SPAG16: variants seen among roughly 807,000 people sequenced by gnomAD.
SPAG16 encodes the protein sperm associated antigen 16, also known as sperm-associated antigen 16 protein.
Under a neutral mutation model 80.4 loss-of-function variants are expected in SPAG16, and 86 were observed. The observed-to-expected ratio is 1.07, with a 90% CI of 0.90 to 1.28. SPAG16 has a LOEUF of 1.28. Among genes scored for constraint, SPAG16 ranks in the 50% most tolerant of loss-of-function variants. SPAG16 has a pLI of 0.00. For synonymous variants in SPAG16, 294 were observed against 265.9 expected, an observed-to-expected ratio of 1.11 and a Z score of -1.03; for missense variants, 870 against 765.3, an observed-to-expected ratio of 1.14 and a Z score of -1.61.
chr2:213,342,344 ATATATG>A (rs1488968593), intron 6 of SPAG16, among the ~76,000 whole-genome samples: 1 of 1,336 alleles, frequency 7.5e-4, no homozygotes, highest in Non-Finnish European at 1.7e-3. Flanking sequence ...TATATATTAC[ATATATG>A]TATATATATA....
At chr2:214,142,389 A>G (rs963275209) in intron 14 of SPAG16, among the ~76,000 whole-genome samples, 2 of 152,128 alleles carry the variant, frequency 1.3e-5, no homozygotes, top group Non-Finnish European at 2.9e-5. Context: ...GATCACTTTT[A>G]TCTTCCAATT....
chr2:214,315,814 G>T (rs979827907), intron 15 of SPAG16, among the ~76,000 whole-genome samples: 12 of 152,162 alleles, frequency 7.9e-5, no homozygotes, highest in Non-Finnish European at 1.5e-4. Flanking sequence ...TTACAAGCAT[G>T]AGCCACTGCA....
intron 13 of SPAG16, among the ~76,000 whole-genome samples, chr2:214,093,989 C>G (rs2052406818): frequency 6.6e-6 from 1 of 151,996 alleles, no homozygotes; most frequent in Non-Finnish European, 1.5e-5. Flanking sequence ...AAGGTGTGGT[C>G]TGTGCACAAG....
chr2:213,609,992 AG>A (rs1415278404), intron 10 of SPAG16, among the ~76,000 whole-genome samples: 2 of 152,090 alleles, frequency 1.3e-5, no homozygotes, highest in Non-Finnish European at 2.9e-5. Context: ...TGGTTGGCTA[AG>A]GCTCCTGGCT....
intron 10 of SPAG16, among the ~76,000 whole-genome samples, chr2:213,609,591 T>A (rs540765922): frequency 1.3e-5 from 2 of 152,194 alleles, no homozygotes; most frequent in Non-Finnish European, 2.9e-5. Context: ...ACATCTTTCC[T>A]AGTGCTGTTT....
intron 14 of SPAG16, among the ~76,000 whole-genome samples, chr2:214,123,190 GT>G (rs1378258386): frequency 7.9e-5 from 12 of 151,658 alleles, no homozygotes; most frequent in Non-Finnish European, 1.2e-4. Flanking sequence ...TTTCTACTTT[GT>G]TTTGGTGTTA....
intron 13 of SPAG16, among the ~76,000 whole-genome samples, chr2:214,035,106 C>T (rs953502445): frequency 6.6e-6 from 1 of 152,150 alleles, no homozygotes; most frequent in Admixed American, 6.5e-5. Flanking sequence ...ATTCAGCTCT[C>T]TGCAGAGAGG....
In SPAG16 at chr2:213,732,385, G is replaced by A. The variant is rs947715126; in HGVS notation, c.1071-130100G>A. Among the ~76,000 whole-genome samples, 6 of 151,990 alleles carry A rather than the reference G, an allele frequency of 3.9e-5. No homozygotes were observed. The South Asian group carries it at 6.2e-4, about 16-fold the overall frequency. On this transcript the variant is annotated intron_variant, in intron 10 of 15. Transcript: ENST00000331683. ...ACAGGTAACAAAGAAAGTGAAGGAGGGATGTCCTCAAGGAGAACTACAAGC... is the reference window on the plus strand; with the variant it reads ...ACAGGTAACAAAGAAAGTGAAGGAGAGATGTCCTCAAGGAGAACTACAAGC...
rs58582439 is a variant in SPAG16, at chr2:214,061,981, G to GCACACACACACA, written c.1528-46187_1528-46176dup. ...TAGCATACATAATGAATAAAAGCAT[G>GCACACACACACA]CACACACACACACACACACACACAC... On this transcript the variant is annotated intron_variant, in intron 13 of 15. Coordinates refer to ENST00000331683, the MANE Select transcript of SPAG16 (RefSeq NM_024532.5). Among the ~76,000 whole-genome samples, 78 of 111,526 alleles carry GCACACACACACA rather than the reference G, an allele frequency of 7.0e-4. 1 individual carries two copies. The highest frequency in any genetic ancestry group is 9.6e-4 in the Non-Finnish European group (49 of 51,170). 73.2% of individuals were successfully genotyped at this position (111,526 alleles called of 152,430 possible).
At chr2:214,389,206 G>T (rs1334023365) in intron 15 of SPAG16, among the ~76,000 whole-genome samples, 1 of 152,170 alleles carries the variant, frequency 6.6e-6, no homozygotes, top group African/African-American at 2.4e-5. Flanking sequence ...GTTGATTGTG[G>T]CAGAGAAAAA....
intron 15 of SPAG16, among the ~76,000 whole-genome samples, chr2:214,215,636 T>A (rs1032983892): frequency 5.3e-5 from 8 of 152,234 alleles, no homozygotes; most frequent in Admixed American, 2.0e-4. Flanking sequence ...TGACTGAGTG[T>A]GAACTCTTGT....
chr2:214,123,972 A>AT (rs1279683274), intron 14 of SPAG16, among the ~76,000 whole-genome samples: 2 of 151,964 alleles, frequency 1.3e-5, no homozygotes, highest in African/African-American at 4.8e-5. Flanking sequence ...TTTGTAATGG[A>AT]TTTTTTTATG....
chr2:214,306,572 A>C (rs1694929759), intron 15 of SPAG16, among the ~76,000 whole-genome samples: 1 of 152,066 alleles, frequency 6.6e-6, no homozygotes, highest in African/African-American at 2.4e-5. Context: ...TTTATTGGAG[A>C]GTTTTTAGCA....
At chr2:213,399,738 G>A (rs2068220292) in intron 9 of SPAG16, among the ~76,000 whole-genome samples, 2 of 151,912 alleles carry the variant, frequency 1.3e-5, no homozygotes, top group South Asian at 4.1e-4. Context: ...TTCCTTAAAT[G>A]TATGGTAGAA....
chr2:213,833,490 ATATAAT>A lies in SPAG16; in HGVS notation c.1071-28994_1071-28989del, dbSNP rs2073839782. ...TTATATATAATAATATATATATTAT[ATATAAT>A]ATATATATTATATATAATATATATA... On this transcript the variant is annotated intron_variant, in intron 10 of 15. Coordinates refer to ENST00000331683, the MANE Select transcript of SPAG16 (RefSeq NM_024532.5). 7.6e-4 allele frequency among the ~76,000 whole-genome samples: 2 copies of A among 2,636 alleles called. 1 individual carries two copies. Among genetic ancestry groups the A allele is most frequent in the Non-Finnish European group, 2.2e-3 (2 of 904 alleles). 1.7% of individuals were successfully genotyped at this position (2,636 alleles called of 152,430 possible). A position where few individuals can be genotyped will look rare whatever the true frequency, so the allele number is the denominator to read the frequency against.
At chr2:214,303,398 A>G (rs116420808) in intron 15 of SPAG16, among the ~76,000 whole-genome samples, 88 of 152,292 alleles carry the variant, frequency 5.8e-4, no homozygotes, top group African/African-American at 2.1e-3. Context: ...TTGTGTCAGG[A>G]TATAAAATTC....
intron 1 of SPAG16, among the ~76,000 whole-genome samples, chr2:213,294,345 T>A (rs1016885017): frequency 9.9e-5 from 15 of 152,156 alleles, no homozygotes; most frequent in African/African-American, 3.4e-4. Context: ...AGATTGCTAG[T>A]AGAAGCCTTA....
intron 14 of SPAG16, among the ~76,000 whole-genome samples, chr2:214,128,339 A>G (rs943149631): frequency 1.3e-5 from 2 of 151,848 alleles, no homozygotes; most frequent in African/African-American, 4.8e-5. Flanking sequence ...AGTTATTGGC[A>G]TGTTTTAGTT....
chr2:214,074,762 G>T (rs2050983622), intron 13 of SPAG16, among the ~76,000 whole-genome samples: 1 of 151,828 alleles, frequency 6.6e-6, no homozygotes, highest in Non-Finnish European at 1.5e-5. Context: ...AATATTCAAA[G>T]GACTAATAAA....
Sources: allele counts gnomAD v4.1 joint callset (sites outside exome capture counted in the v4.1 genomes callset), GRCh38; gene constraint gnomAD v4.1.1; transcripts MANE v1.5; gene names NCBI Gene and HGNC (gene_info 2026-07-23, HGNC 2026-07-21).